PLA2G5: variants seen among roughly 807,000 people sequenced by gnomAD.
The protein encoded by PLA2G5 is Ca2+-dependent phospholipase A2.
In PLA2G5, 12 loss-of-function variants were observed where a neutral mutation model predicts 15.9. The ratio of observed to expected loss-of-function variants is 0.76; its 90% CI spans 0.48 to 1.23. The LOEUF (loss-of-function observed/expected upper bound fraction) is 1.23, where lower values mean the gene tolerates loss of function less well. PLA2G5 is among the 50% of genes most tolerant of loss of function. The pLI is 0.00. For missense variants in PLA2G5, 169 were observed against 177.1 expected, an observed-to-expected ratio of 0.95 and a Z score of 0.26; for synonymous variants, 71 against 71.4, an observed-to-expected ratio of 0.99 and a Z score of 0.03.
At chr1:20,030,606 G>A (rs901631161) in intron 1 of PLA2G5, among the ~76,000 whole-genome samples, 1 of 151,946 alleles carries the variant, frequency 6.6e-6, no homozygotes, top group South Asian at 2.1e-4. Flanking sequence ...TATGGGTGCC[G>A]GGCTGGGGGA....
upstream of PLA2G5, among the ~76,000 whole-genome samples, chr1:20,065,498 T>A (rs1010764533): frequency 6.6e-6 from 1 of 152,234 alleles, no homozygotes; most frequent in Middle Eastern, 3.2e-3. Flanking sequence ...TTCCAGAATG[T>A]CATATAGCTG....
At chr1:20,058,427 G>A (rs1256758945) in intron 1 of PLA2G5, among the ~76,000 whole-genome samples, 2 of 152,192 alleles carry the variant, frequency 1.3e-5, no homozygotes, top group Non-Finnish European at 2.9e-5. Context: ...CTGCTTTGCA[G>A]AAATTAACAT....
intron 1 of PLA2G5, among the ~76,000 whole-genome samples, chr1:20,045,288 G>C (rs1018534135): frequency 1.6e-4 from 24 of 152,166 alleles, no homozygotes; most frequent in Non-Finnish European, 3.1e-4. Context: ...ACGGAGAGAA[G>C]TGGTTGGTGG....
chr1:20,033,719 G>A (rs942221095), intron 1 of PLA2G5, among the ~76,000 whole-genome samples: 1 of 152,172 alleles, frequency 6.6e-6, no homozygotes, highest in South Asian at 2.1e-4. Context: ...TACATACAGA[G>A]TAAAGGGCTT....
chr1:20,076,894 T>G (rs1287453241), intron 1 of PLA2G5: 1 of 152,250 alleles, frequency 6.6e-6, no homozygotes, highest in Non-Finnish European at 1.5e-5. Context: ...GCCAATGAGC[T>G]CTGGGTAATC....
chr1:20,072,530 G>T (rs539391914), intron 1 of PLA2G5, among the ~76,000 whole-genome samples: 5 of 152,126 alleles, frequency 3.3e-5, no homozygotes, highest in Non-Finnish European at 7.3e-5. Context: ...TGAAATTAGT[G>T]AGTTTAAGGA....
At chr1:20,079,289 G>A (rs1260694873) in intron 1 of PLA2G5, among the ~76,000 whole-genome samples, 1 of 152,086 alleles carries the variant, frequency 6.6e-6, no homozygotes, top group Admixed American at 6.5e-5. Context: ...CTCTGCCTTT[G>A]CTATGGCTCT....
At chr1:20,056,238 C>A (rs2014426812) in intron 1 of PLA2G5, among the ~76,000 whole-genome samples, 1 of 152,046 alleles carries the variant, frequency 6.6e-6, no homozygotes, top group Non-Finnish European at 1.5e-5. Flanking sequence ...CGGTAGCTCC[C>A]AATGCCTTCC....
rs193141024 is a variant in PLA2G5 at position 20,062,418 on chromosome 1, C to T, written n.337+2726C>T. 8.8e-4 allele frequency among the ~76,000 whole-genome samples: 134 copies of T among 152,276 alleles called. 1 individual carries two copies. Among genetic ancestry groups the T allele is most frequent in the African/African-American group, 3.2e-3 (133 of 41,566 alleles). ...GGAGTTCCCAGACACAGAAGATGAG[C>T]AGGGACATCCTCTGAGAGGAAAACT... On this transcript the variant is annotated intron_variant and non_coding_transcript_variant, in intron 2 of 6. Transcript: ENST00000460175.
chr1:20,069,805 C>CA (rs1459225274), upstream of PLA2G5, among the ~76,000 whole-genome samples: 1 of 151,904 alleles, frequency 6.6e-6, no homozygotes, highest in East Asian at 1.9e-4. Flanking sequence ...GATTCTGGAT[C>CA]GGAAAAAAGC....
intron 1 of PLA2G5, among the ~76,000 whole-genome samples, chr1:20,049,420 A>C (rs77610515): frequency 6.6e-6 from 1 of 151,216 alleles, no homozygotes; most frequent in Non-Finnish European, 1.5e-5. Context: ...ATTCTTAATA[A>C]ATTATAAGAG....
At chr1:20,040,706 G>A (rs1398815187) in intron 1 of PLA2G5, among the ~76,000 whole-genome samples, 1 of 152,050 alleles carries the variant, frequency 6.6e-6, no homozygotes, top group Non-Finnish European at 1.5e-5. Flanking sequence ...AATAAATCTT[G>A]AGGCCCCAAA....
At position 20,081,496 on chromosome 1, in the gene PLA2G5, G is replaced by A. The variant is rs11573249; in HGVS notation, c.-10-3325G>A. Among the ~76,000 whole-genome samples the A allele has an allele frequency of 4.2e-4, 64 of 151,896 alleles. 2 individuals are homozygous for A. The highest frequency in any genetic ancestry group is 1.5e-3 in the African/African-American group (62 of 41,168). Reference sequence around the variant, plus strand: ...GTGCCAGGTCGGCAGGTCAGGAGGAGCCACGGGAAGCATCGCCCAGGGCCT... The same window carrying A: ...GTGCCAGGTCGGCAGGTCAGGAGGAACCACGGGAAGCATCGCCCAGGGCCT... On this transcript the variant is annotated intron_variant, in intron 1 of 4. Coordinates refer to ENST00000375108, the MANE Select transcript of PLA2G5 (RefSeq NM_000929.3).
chr1:20,085,818 A>T (rs940027838), intron 2 of PLA2G5, among the ~76,000 whole-genome samples: 5 of 152,178 alleles, frequency 3.3e-5, no homozygotes, highest in Non-Finnish European at 7.3e-5. Context: ...GATGAAACTG[A>T]GGCTCTGACT....
intron 1 of PLA2G5, among the ~76,000 whole-genome samples, chr1:20,076,497 A>G (rs1276888883): frequency 6.6e-6 from 1 of 152,166 alleles, no homozygotes; most frequent in African/African-American, 2.4e-5. Context: ...AAGAACACAG[A>G]TTTGACAGAC....
At chr1:20,037,644 G>T (rs1487357394) in intron 1 of PLA2G5, among the ~76,000 whole-genome samples, 4 of 152,190 alleles carry the variant, frequency 2.6e-5, no homozygotes, top group Non-Finnish European at 5.9e-5. Context: ...GAGCAGGGTT[G>T]TTCTGTTATG....
At chr1:20,040,902 C>T (rs566670996) in intron 1 of PLA2G5, among the ~76,000 whole-genome samples, 2 of 152,254 alleles carry the variant, frequency 1.3e-5, no homozygotes, top group South Asian at 4.1e-4. Flanking sequence ...ACCTGGAAGC[C>T]CCCTACCCGC....
At chr1:20,042,953 T>C (rs759398281) in intron 1 of PLA2G5, among the ~76,000 whole-genome samples, 1 of 152,018 alleles carries the variant, frequency 6.6e-6, no homozygotes, top group Non-Finnish European at 1.5e-5. Context: ...AAGTAGAAGG[T>C]TGTCAAAATA....
intron 1 of PLA2G5, among the ~76,000 whole-genome samples, chr1:20,035,333 A>G (rs530242012): frequency 5.3e-5 from 8 of 152,170 alleles, no homozygotes; most frequent in African/African-American, 1.9e-4. Context: ...AATGTTGATA[A>G]CGTGTTCCCA....
Sources: allele counts gnomAD v4.1 joint callset (sites outside exome capture counted in the v4.1 genomes callset), GRCh38; gene constraint gnomAD v4.1.1; transcripts MANE v1.5; gene names NCBI Gene and HGNC (gene_info 2026-07-23, HGNC 2026-07-21).